ZNF774: variants seen among roughly 807,000 people sequenced by gnomAD.
ZNF774 encodes the protein zinc finger protein 774.
ZNF774 carries 14 observed loss-of-function variants against 11.1 expected under a neutral mutation model. That is an observed-to-expected ratio of 1.26 (90% CI 0.83 to 1.97). The LOEUF is 1.97. ZNF774 is among the 30% of genes most tolerant of loss of function. The pLI is 0.00. For synonymous variants in ZNF774, 195 were observed against 212.6 expected (o/e 0.92, Z 0.72); for missense variants, 599 against 587.0 (o/e 1.02, Z -0.21).
At position 90,360,412 on chromosome 15, in the gene ZNF774, T is replaced by TTGTC. The variant is rs1375751435; in HGVS notation, c.582_585dup (p.Thr196CysfsTer19). 6.2e-7 allele frequency: 1 copy of TTGTC among 1,613,818 alleles called. No individual in the cohort carries two copies. Among genetic ancestry groups the TTGTC allele is most frequent in the South Asian group, 1.1e-5 (1 of 91,070 alleles). ...AAAGGCTTCAAACAGAGCTCAGACCTTGTCACCCATCGCAGAACACACACA... is the reference window on the plus strand; with the variant it reads ...AAAGGCTTCAAACAGAGCTCAGACCTTGTCTGTCACCCATCGCAGAACACACACA... On this transcript the variant is annotated frameshift_variant, in exon 4 of 4. Transcript: ENST00000354377. LOFTEE classifies it low-confidence loss of function (END_TRUNC).
rs761373842 is a variant in ZNF774, at chr15:90,354,765, G to A, written c.104+1G>A. The A allele has an allele frequency of 6.2e-7, 1 of 1,603,322 alleles. No homozygotes were observed. The highest frequency in any genetic ancestry group is 2.2e-5 in the East Asian group (1 of 44,830). On this transcript the variant is annotated splice_donor_variant, in intron 2 of 3. Coordinates refer to ENST00000354377, the MANE Select transcript of ZNF774 (RefSeq NM_001004309.3). LOFTEE classifies it high-confidence loss of function. ...AGTTAGAAGAATGGGCTCTCAAAGG[G>A]TAAGAATGCTACTCTCCTTTATTTC...
rs1321618546 is a variant in ZNF774, at chr15:90,360,523, G to A, written c.692G>A (p.Gly231Glu). 3.1e-6 allele frequency: 5 copies of A among 1,613,860 alleles called. No homozygotes were observed. The highest frequency in any genetic ancestry group is 4.2e-6 in the Non-Finnish European group (5 of 1,180,000). ...TLIKHQRTHT[G>E]ERPYECPECG... The stretch of plus-strand genomic sequence containing the variant: ...ATCAAACATCAGAGAACCCACACAG[G>A]GGAGAGACCCTATGAGTGCCCAGAG... The change falls in exon 4 of 4, where the codon GGG becomes GAG. Residue 231 changes from glycine to glutamate, a missense_variant. Coordinates refer to ENST00000354377, the MANE Select transcript of ZNF774 (RefSeq NM_001004309.3).
chr15:90,357,100 A>G (rs551371670), intron 2 of ZNF774, among the ~76,000 whole-genome samples: 1 of 152,212 alleles, frequency 6.6e-6, no homozygotes, highest in South Asian at 2.1e-4. Flanking sequence ...AAGGTATTTA[A>G]TACTTTGCAA....
In ZNF774 at chr15:90,362,570, A is replaced by T. The variant is rs764126239; in HGVS notation, c.*1287A>T. 8 of 1,535,888 alleles carry T rather than the reference A, an allele frequency of 5.2e-6. No homozygotes were observed. The highest frequency in any genetic ancestry group is 7.0e-6 in the Non-Finnish European group (8 of 1,146,712). ...GGCCATCCAGGTTATGCACTAGTAC[A>T]TTCCTACATTCAATTGAAATAAATT... On this transcript the variant is annotated 3_prime_UTR_variant, in exon 4 of 4. Coordinates refer to ENST00000354377, the MANE Select transcript of ZNF774 (RefSeq NM_001004309.3).
chr15:90,355,738 A>AAC (rs1350807851), intron 2 of ZNF774, among the ~76,000 whole-genome samples: 2 of 148,296 alleles, frequency 1.3e-5, no homozygotes, highest in Non-Finnish European at 3.0e-5. Context: ...AAAAAAAAAA[A>AAC]AAAAAAACAA....
At chr15:90,359,598 G>T (rs2151682668) in intron 3 of ZNF774, among the ~76,000 whole-genome samples, 1 of 152,102 alleles carries the variant, frequency 6.6e-6, no homozygotes, top group East Asian at 1.9e-4. Context: ...GGGACTATAG[G>T]CACCCGCCAC....
chr15:90,358,137 C>T (rs56302246), intron 2 of ZNF774, among the ~76,000 whole-genome samples: 1,567 of 152,100 alleles, frequency 0.01, 27 homozygotes, highest in African/African-American at 0.036. Flanking sequence ...CCGCCTGCCT[C>T]GGCCTCCCAA....
At position 90,362,168 on chromosome 15, in the gene ZNF774, G is replaced by C. The variant is rs8033326; in HGVS notation, c.*885G>C. 0.091 allele frequency: 15,837 copies of C among 174,426 alleles called. 2,010 individuals carry two copies. Among genetic ancestry groups the C allele is most frequent in the African/African-American group, 0.3 (12,809 of 42,410 alleles). 10.8% of individuals were successfully genotyped at this position (174,426 alleles called of 1,614,324 possible). A position where few individuals can be genotyped will look rare whatever the true frequency, so the allele number is the denominator to read the frequency against. ...AAATTGAATAAAATGGAAATGCACT[G>C]CCAGTTCAGTGCTGTGCAGGCATTA... On this transcript the variant is annotated 3_prime_UTR_variant, in exon 4 of 4. Coordinates refer to ENST00000354377, the MANE Select transcript of ZNF774 (RefSeq NM_001004309.3).
At position 90,360,319 on chromosome 15, in the gene ZNF774, G is replaced by T; in HGVS notation, c.488G>T (p.Ser163Ile). The change falls in exon 4 of 4, where the codon AGT becomes ATT. Residue 163 changes from serine to isoleucine, a missense_variant. Physicochemically the swap from Ser to Ile is moderately radical, Grantham distance 142 (BLOSUM62 -2). Transcript: ENST00000354377. The stretch of plus-strand genomic sequence containing the variant: ...GAATGCGGGAAAAGCTTTAACCAGA[G>T]TTCCTATCTCATAAGACACCTAAGA... Reference protein sequence around the residue: ...CAECGKSFNQSSYLIRHLRTH... With the variant: ...CAECGKSFNQISYLIRHLRTH... The T allele has an allele frequency of 1.2e-6, 2 of 1,614,176 alleles. No individual in the cohort carries two copies. Among genetic ancestry groups the T allele is most frequent in the South Asian group, 1.1e-5 (1 of 91,086 alleles).
chr15:90,355,510 G>A lies in ZNF774; in HGVS notation c.104+746G>A, dbSNP rs1355039270. 4.7e-5 allele frequency: 21 copies of A among 447,672 alleles called. 1 individual carries two copies. The highest frequency in any genetic ancestry group is 8.1e-5 in the Non-Finnish European group (18 of 221,992). The allele number at this position is 447,672 out of a possible 1,614,324, so 27.7% of individuals were successfully genotyped here. ...TAGGCTGAGGTGGGCGGATCATAAG[G>A]TCAGGAGTTCGAGACCAGCCTGGCC... On this transcript the variant is annotated intron_variant, in intron 2 of 3. Transcript: ENST00000354377.
chr15:90,354,181 G>A (rs1323577592), intron 1 of ZNF774, among the ~76,000 whole-genome samples: 1 of 151,812 alleles, frequency 6.6e-6, no homozygotes, highest in African/African-American at 2.4e-5. Context: ...TCTGTCCCTT[G>A]AGGTTGACAC....
At chr15:90,358,138 G>A (rs905505257) in intron 2 of ZNF774, among the ~76,000 whole-genome samples, 8 of 152,114 alleles carry the variant, frequency 5.3e-5, no homozygotes, top group South Asian at 2.1e-4. Context: ...CGCCTGCCTC[G>A]GCCTCCCAAA....
In ZNF774 at chr15:90,361,149, T is replaced by C. The variant is rs1305612340; in HGVS notation, c.1318T>C (p.Phe440Leu). The change falls in exon 4 of 4, where the codon TTC becomes CTC. Residue 440 changes from phenylalanine (F) to leucine (L), a missense_variant. Physicochemically the swap from Phe to Leu is conservative, Grantham distance 22. Transcript: ENST00000354377. Reference protein sequence around the residue: ...PYRCPECGKTFNQRSHFLTHQ... With the variant: ...PYRCPECGKTLNQRSHFLTHQ... ...TCGATGTCCTGAGTGTGGCAAGACC[T>C]TCAATCAGCGTTCCCATTTCCTCAC... is the stretch of plus-strand genomic sequence containing the variant. 2.5e-6 allele frequency: 4 copies of C among 1,614,062 alleles called. No homozygotes were observed. In the East Asian group the frequency reaches 6.7e-5, roughly 27 times the overall value.
In ZNF774 at chr15:90,354,703, T is replaced by C; in HGVS notation, c.43T>C (p.Cys15Arg). ...AGGGAAGAGTGGGTTACCTGGACACTGCTTAGAGAATCCTCTCCAGGAATG... is the reference window on the plus strand; with the variant it reads ...AGGGAAGAGTGGGTTACCTGGACACCGCTTAGAGAATCCTCTCCAGGAATG... ...TSGKSGLPGH[C>R]LENPLQECHP... The change falls in exon 2 of 4, where the codon TGC becomes CGC. Residue 15 changes from cysteine (C) to arginine (R), a missense_variant. Physicochemically the swap from Cys to Arg is radical, Grantham distance 180. Transcript: ENST00000354377. 6.2e-7 allele frequency: 1 copy of C among 1,612,342 alleles called. No individual in the cohort carries two copies. The highest frequency in any genetic ancestry group is 8.5e-7 in the Non-Finnish European group (1 of 1,179,342).
chr15:90,358,782 G>A, intron 2 of ZNF774, 69 bp from the exon 3 acceptor site: 1 of 1,294,108 alleles, frequency 7.7e-7, no homozygotes, highest in South Asian at 1.2e-5. Context: ...CAGGGAGTAG[G>A]GCTTGGATTT....
At chr15:90,354,579 C>A in intron 1 of ZNF774, 63 bp from the exon 2 acceptor site, 3 of 1,180,046 alleles carry the variant, frequency 2.5e-6, no homozygotes, top group Non-Finnish European at 3.7e-6. Context: ...CATTTTTTGG[C>A]TTTCAGACAA....
intron 2 of ZNF774, among the ~76,000 whole-genome samples, chr15:90,356,315 A>G (rs1287536071): frequency 6.6e-6 from 1 of 151,678 alleles, no homozygotes; most frequent in Non-Finnish European, 1.5e-5. Context: ...TGATCCGCTC[A>G]CTTCGGCCTC....
At chr15:90,353,141 A>G (rs1452174423) in intron 1 of ZNF774, among the ~76,000 whole-genome samples, 2 of 151,730 alleles carry the variant, frequency 1.3e-5, no homozygotes, top group Non-Finnish European at 2.9e-5. Context: ...CTAATTTTGT[A>G]TTCTTAGTAG....
Position 90,360,372 on chromosome 15 carries a change from T to G in ZNF774, c.541T>G (p.Cys181Gly). ...CCACACTGGCGAGAGGCCCTATACG[T>G]GCATTGAGTGTGGGAAAGGCTTCAA... ...RTHTGERPYT[C>G]IECGKGFKQS... The change falls in exon 4 of 4, where the codon TGC (cysteine) becomes GGC (glycine). Residue 181 changes from cysteine (C) to glycine (G), a missense_variant. Cys to Gly is a radical substitution (Grantham distance 159). Transcript: ENST00000354377. 6.2e-7 allele frequency: 1 copy of G among 1,614,106 alleles called. No homozygotes were observed. The highest frequency in any genetic ancestry group is 8.5e-7 in the Non-Finnish European group (1 of 1,180,030).
Sources: gnomAD v4.1 joint callset for allele counts (sites outside exome capture counted in the v4.1 genomes callset) on GRCh38, gnomAD v4.1.1 for gene constraint, MANE v1.5 for transcripts, NCBI Gene and HGNC (gene_info 2026-07-23, HGNC 2026-07-21) for gene names.